The following IQCM variants were observed in gnomAD, a reference collection of about 807,000 sequenced individuals.
IQCM encodes the protein IQ motif containing M.
Under a neutral mutation model 57.6 loss-of-function variants are expected in IQCM, and 45 were observed. The ratio of observed to expected loss-of-function variants is 0.78; its 90% CI spans 0.62 to 1.00. The LOEUF (loss-of-function observed/expected upper bound fraction) is 1.00, where lower values mean the gene tolerates loss of function less well. Ranked by LOEUF, IQCM falls within the 50% of genes least tolerant of loss-of-function variation. The pLI is 0.00. For missense variants in IQCM, 468 were observed against 511.6 expected (o/e 0.91, Z 0.82); for synonymous variants, 148 against 158.9 (o/e 0.93, Z 0.51).
chr4:149,669,061 C>T (rs1761000498), intron 7 of IQCM, among the ~76,000 whole-genome samples: 1 of 152,172 alleles, frequency 6.6e-6, no homozygotes, highest in South Asian at 2.1e-4. Context: ...AAGATGTCTT[C>T]CACAATGGTT....
intron 13 of IQCM, among the ~76,000 whole-genome samples, chr4:149,368,383 C>T (rs1729987964): frequency 6.6e-6 from 1 of 151,716 alleles, no homozygotes; most frequent in South Asian, 2.1e-4. Flanking sequence ...TGTATTTGGC[C>T]TTAATATATC....
At chr4:149,784,774 G>T (rs115985178) in intron 2 of IQCM, among the ~76,000 whole-genome samples, 3,397 of 152,196 alleles carry the variant, frequency 0.022, 65 homozygotes, top group South Asian at 0.036. Context: ...ATGCTGTATT[G>T]TCTCATTAGC....
chr4:149,468,296 T>A (rs1031297906), intron 12 of IQCM, among the ~76,000 whole-genome samples: 2 of 152,152 alleles, frequency 1.3e-5, no homozygotes, highest in African/African-American at 2.4e-5. Context: ...GCTTTTCCAA[T>A]GGCCTTAGCA....
intron 13 of IQCM, among the ~76,000 whole-genome samples, chr4:149,378,687 TAA>T (rs1349543610): frequency 6.6e-6 from 1 of 152,128 alleles, no homozygotes; most frequent in African/African-American, 2.4e-5. Flanking sequence ...AAGCACAGCA[TAA>T]AAGTTTGAAA....
At chr4:149,437,282 G>T (rs1735454554) in intron 12 of IQCM, among the ~76,000 whole-genome samples, 1 of 152,074 alleles carries the variant, frequency 6.6e-6, no homozygotes, top group Admixed American at 6.6e-5. Context: ...AGTGTACTCT[G>T]CTGGTCAGCC....
At chr4:149,379,765 G>C (rs1730949590) in intron 13 of IQCM, among the ~76,000 whole-genome samples, 1 of 152,184 alleles carries the variant, frequency 6.6e-6, no homozygotes, top group Admixed American at 6.6e-5. Flanking sequence ...CTGTTGGAAT[G>C]GCATGATTTG....
chr4:149,423,196 G>T (rs1205992740), intron 13 of IQCM, among the ~76,000 whole-genome samples: 3 of 151,976 alleles, frequency 2.0e-5, no homozygotes, highest in South Asian at 2.1e-4. Flanking sequence ...CCACATGGCT[G>T]GGGAGGCCTC....
At chr4:149,587,566 GT>G (rs1322283663) in intron 9 of IQCM, among the ~76,000 whole-genome samples, 4 of 151,596 alleles carry the variant, frequency 2.6e-5, no homozygotes, top group African/African-American at 9.7e-5. Flanking sequence ...GTGGTACATA[GT>G]TTCTAACAAA....
chr4:149,503,137 C>T (rs1743437500), intron 12 of IQCM, among the ~76,000 whole-genome samples: 1 of 152,092 alleles, frequency 6.6e-6, no homozygotes, highest in South Asian at 2.1e-4. Flanking sequence ...AGGAGGACTG[C>T]TTGAGCCCAG....
chr4:149,506,276 G>T (rs2149800478), intron 12 of IQCM, among the ~76,000 whole-genome samples: 1 of 152,308 alleles, frequency 6.6e-6, no homozygotes, highest in Non-Finnish European at 1.5e-5. Context: ...AAACTCATTA[G>T]CCTAACTAGT....
intron 10 of IQCM, 76 bp downstream of exon 10, chr4:149,563,616 T>A: frequency 1.0e-6 from 1 of 992,242 alleles, no homozygotes; most frequent in Middle Eastern, 3.6e-4. Flanking sequence ...ATTGACCAGA[T>A]GACTATTCAA....
intron 7 of IQCM, among the ~76,000 whole-genome samples, chr4:149,637,270 A>G (rs1043479537): frequency 3.9e-5 from 6 of 152,102 alleles, no homozygotes; most frequent in Admixed American, 2.0e-4. Context: ...AAAATGTAAA[A>G]TCAACATTAA....
intron 12 of IQCM, among the ~76,000 whole-genome samples, chr4:149,507,175 C>CT (rs1342067135): frequency 6.6e-6 from 1 of 152,160 alleles, no homozygotes; most frequent in African/African-American, 2.4e-5. Context: ...CCAATAAACT[C>CT]TTTCTATTGT....
rs529433240 is a variant in IQCM, at chr4:149,655,023, G to A, written c.565+27095C>T. On this transcript the variant is annotated intron_variant, in intron 7 of 13. Transcript: ENST00000636793. ...TACCAGAAAATTTTAAGTTATAAGT[G>A]TGTCTCACATTTCATTTCTATTATA... Among the ~76,000 whole-genome samples, 39 of 152,188 alleles carry A rather than the reference G, an allele frequency of 2.6e-4. No homozygotes were observed. The South Asian group carries it at 7.9e-3, about 31-fold the overall frequency.
chr4:149,445,122 T>C (rs1311693832), intron 12 of IQCM, among the ~76,000 whole-genome samples: 2 of 151,896 alleles, frequency 1.3e-5, no homozygotes, highest in Non-Finnish European at 2.9e-5. Flanking sequence ...CAATCAGCTC[T>C]TCCTTGTGAA....
intron 7 of IQCM, among the ~76,000 whole-genome samples, chr4:149,642,589 C>G (rs1387089854): frequency 6.6e-6 from 1 of 152,136 alleles, no homozygotes; most frequent in African/African-American, 2.4e-5. Flanking sequence ...CATCTATGGA[C>G]TACACAGGAA....
At chr4:149,650,862 T>C (rs1174598308) in intron 7 of IQCM, among the ~76,000 whole-genome samples, 1 of 152,208 alleles carries the variant, frequency 6.6e-6, no homozygotes, top group African/African-American at 2.4e-5. Flanking sequence ...TGAACTGTAA[T>C]TGTTTCAAGG....
chr4:149,637,442 T>C (rs1034634004), intron 7 of IQCM, among the ~76,000 whole-genome samples: 72 of 152,174 alleles, frequency 4.7e-4, no homozygotes, highest in Admixed American at 1.2e-3. Context: ...TTTAAGATTG[T>C]TATTCCATGT....
chr4:149,760,009 C>CAGAA (rs1769346602), intron 2 of IQCM, among the ~76,000 whole-genome samples: 2 of 102,510 alleles, frequency 2.0e-5, no homozygotes, highest in Non-Finnish European at 3.8e-5. Context: ...AGGTTCTAGA[C>CAGAA]AGAAGGAAGG....
Sources: gnomAD v4.1 joint callset for allele counts (sites outside exome capture counted in the v4.1 genomes callset) on GRCh38, gnomAD v4.1.1 for gene constraint, MANE v1.5 for transcripts, NCBI Gene and HGNC (gene_info 2026-07-23, HGNC 2026-07-21) for gene names.